Variants in BBS4 observed in about 807,000 individuals in gnomAD.
BBS4 encodes the protein BBSome complex member BBS4.
A neutral mutation model predicts 71.4 loss-of-function variants in BBS4; 58 were observed. That is an observed-to-expected ratio of 0.81 (90% CI 0.66 to 1.01). The LOEUF (loss-of-function observed/expected upper bound fraction) is 1.01. BBS4 is among the 50% of genes least tolerant of loss of function. The pLI is 0.00. For missense variants in BBS4, 660 were observed against 607.9 expected (o/e 1.09, Z -0.90); for synonymous variants, 228 against 216.8 (o/e 1.05, Z -0.46).
chr15:72,715,446 C>T, intron 5 of BBS4, 44 bp downstream of exon 5: 1 of 1,378,108 alleles, frequency 7.3e-7, no homozygotes, highest in Non-Finnish European at 1.0e-6. Context: ...TCACAGAGAA[C>T]AGTGTAAAAT....
chr15:72,711,539 A>AT (rs1357051912), intron 3 of BBS4, among the ~76,000 whole-genome samples: 2 of 152,178 alleles, frequency 1.3e-5, no homozygotes, highest in Non-Finnish European at 2.9e-5. Flanking sequence ...GCCTAGTTAG[A>AT]TTTTAGACAG....
chr15:72,722,285 C>G (rs1376655079), intron 6 of BBS4, among the ~76,000 whole-genome samples: 1 of 152,226 alleles, frequency 6.6e-6, no homozygotes, highest in African/African-American at 2.4e-5. Context: ...TGTCAGTCCT[C>G]AAGTTCACAT....
In BBS4 at chr15:72,715,476, G is replaced by A. The variant is rs954821866; in HGVS notation, c.332+74G>A. On this transcript the variant is annotated intron_variant, in intron 5 of 15. Transcript: ENST00000268057. ...TAAAATGCATTCCTAGGTCCAGCCTGCTGCTGGCAGCTGCATCAGCCTGAT... is the reference window on the plus strand; with the variant it reads ...TAAAATGCATTCCTAGGTCCAGCCTACTGCTGGCAGCTGCATCAGCCTGAT... 5 of 983,310 alleles carry A rather than the reference G, an allele frequency of 5.1e-6. No individual in the cohort carries two copies. In the Admixed American group the frequency reaches 5.1e-5, roughly 10 times the overall value. The allele number at this position is 983,310 out of a possible 1,614,324, so 60.9% of individuals were successfully genotyped here. A position where few individuals can be genotyped will look rare whatever the true frequency, so the allele number is the denominator to read the frequency against.
intron 2 of BBS4, 113 bp from the exon 3 acceptor site, chr15:72,709,587 A>C: frequency 1.2e-6 from 1 of 812,794 alleles, no homozygotes; most frequent in East Asian, 2.4e-5. Context: ...CAGTAGCATC[A>C]AAATTTTAAT....
At chr15:72,703,305 A>G (rs937169761) in intron 2 of BBS4, among the ~76,000 whole-genome samples, 4 of 152,118 alleles carry the variant, frequency 2.6e-5, no homozygotes, top group African/African-American at 4.8e-5. Context: ...TTGTCTCACC[A>G]TTCCCTGTTG....
At chr15:72,710,913 C>T (rs574472447) in intron 3 of BBS4, among the ~76,000 whole-genome samples, 20 of 152,016 alleles carry the variant, frequency 1.3e-4, no homozygotes, top group African/African-American at 4.8e-4. Context: ...GCCTCAGCCT[C>T]CCAAGTCGCT....
Position 72,724,589 on chromosome 15 carries a change from T to G in BBS4, c.521T>G (p.Leu174Arg), listed in dbSNP as rs761231663. The part of the protein sequence containing the change: ...LNRHDLTYIM[L>R]GKIHLLEGDL... ...AGGCACGATCTGACTTATATAATGC[T>G]GGGGAAGATCCACTTGCTGGAGGGA... The change falls in exon 8 of 16, where the codon CTG becomes CGG. Residue 174 changes from leucine (L) to arginine (R), a missense_variant. By Grantham distance (102) the Leu-to-Arg change is moderately radical (BLOSUM62 -2). Coordinates refer to ENST00000268057, the MANE Select transcript of BBS4 (RefSeq NM_033028.5). 1 of 1,614,160 alleles carries G rather than the reference T, an allele frequency of 6.2e-7. No individual in the cohort carries two copies. Among genetic ancestry groups the G allele is most frequent in the East Asian group, 2.2e-5 (1 of 44,882 alleles).
intron 5 of BBS4, among the ~76,000 whole-genome samples, chr15:72,715,856 T>C (rs745534923): frequency 1.3e-5 from 2 of 152,236 alleles, no homozygotes; most frequent in Non-Finnish European, 2.9e-5. Context: ...ATGTATTCAG[T>C]AGAAACTGTA....
intron 2 of BBS4, among the ~76,000 whole-genome samples, chr15:72,695,488 T>G (rs2065060672): frequency 6.6e-6 from 1 of 152,144 alleles, no homozygotes; most frequent in African/African-American, 2.4e-5. Context: ...GGTTTCACTG[T>G]GTTTGCCAGG....
chr15:72,690,554 A>T (rs941654142), intron 1 of BBS4, among the ~76,000 whole-genome samples: 6 of 152,230 alleles, frequency 3.9e-5, no homozygotes, highest in Non-Finnish European at 8.8e-5. Flanking sequence ...TAGATTTTAA[A>T]AAATTGAGTT....
At chr15:72,696,190 A>T (rs2065073271) in intron 2 of BBS4, among the ~76,000 whole-genome samples, 1 of 152,058 alleles carries the variant, frequency 6.6e-6, no homozygotes, top group Non-Finnish European at 1.5e-5. Context: ...TACATTTAGG[A>T]TTGTCTGATT....
chr15:72,714,488 A>G (rs1009308274), intron 4 of BBS4, among the ~76,000 whole-genome samples: 14 of 152,166 alleles, frequency 9.2e-5, no homozygotes, highest in Admixed American at 6.5e-5. Flanking sequence ...GGCCTACCAA[A>G]GTGCTGGGAT....
At chr15:72,700,900 CA>C (rs2151004281) in intron 2 of BBS4, among the ~76,000 whole-genome samples, 1 of 152,216 alleles carries the variant, frequency 6.6e-6, no homozygotes, top group South Asian at 2.1e-4. Context: ...ATTAATATTG[CA>C]GAAATTAATT....
chr15:72,702,622 A>T (rs570923203), intron 2 of BBS4, among the ~76,000 whole-genome samples: 1 of 152,076 alleles, frequency 6.6e-6, no homozygotes, highest in Non-Finnish European at 1.5e-5. Context: ...TTAAAAAATT[A>T]TAGGCCAGCT....
chr15:72,709,012 T>G (rs1289676216), intron 2 of BBS4, among the ~76,000 whole-genome samples: 1 of 152,230 alleles, frequency 6.6e-6, no homozygotes, highest in Non-Finnish European at 1.5e-5. Flanking sequence ...GTGATCTTTG[T>G]TGGACCCTTA....
intron 6 of BBS4, chr15:72,717,185 C>G (rs973556732): frequency 3.5e-5 from 10 of 284,868 alleles, no homozygotes; most frequent in Non-Finnish European, 6.7e-5. Context: ...GTCTTTTTCC[C>G]GTCCCCATCT....
intron 14 of BBS4, 36 bp downstream of exon 14, chr15:72,736,002 A>C (rs1278254835): frequency 6.2e-7 from 1 of 1,612,654 alleles, no homozygotes; most frequent in Admixed American, 1.7e-5. Flanking sequence ...GTCATAAGTA[A>C]GCTCTCAGGA....
intron 2 of BBS4, among the ~76,000 whole-genome samples, chr15:72,708,510 C>A (rs1295997715): frequency 6.6e-6 from 1 of 152,060 alleles, no homozygotes; most frequent in Admixed American, 6.6e-5. Flanking sequence ...GTTAACTGTA[C>A]AAATTGATTG....
chr15:72,699,296 C>T (rs1295891027), intron 2 of BBS4, among the ~76,000 whole-genome samples: 2 of 152,230 alleles, frequency 1.3e-5, no homozygotes, highest in East Asian at 3.9e-4. Flanking sequence ...CTATGTTGGC[C>T]AGACTGGTAT....
Sources: allele counts gnomAD v4.1 joint callset (sites outside exome capture counted in the v4.1 genomes callset), GRCh38; gene constraint gnomAD v4.1.1; transcripts MANE v1.5; gene names NCBI Gene and HGNC (gene_info 2026-07-23, HGNC 2026-07-21).